CRYBA4: variants seen among roughly 807,000 people sequenced by gnomAD.
CRYBA4 encodes the protein beta-crystallin A4.
CRYBA4 carries 30 observed loss-of-function variants against 31.7 expected under a neutral mutation model. The ratio of observed to expected loss-of-function variants is 0.95; its 90% confidence interval spans 0.71 to 1.28. The LOEUF (loss-of-function observed/expected upper bound fraction) is 1.28. CRYBA4 is among the 50% of genes most tolerant of loss of function. CRYBA4 has a pLI of 0.00. For missense variants in CRYBA4, 225 were observed against 260.7 expected, an observed-to-expected ratio of 0.86 and a Z score of 0.94; for synonymous variants, 102 against 102.3, an observed-to-expected ratio of 1.00 and a Z score of 0.02.
chr22:26,609,534 A>G, the CRYBA4 span, among the ~76,000 whole-genome samples: 2 of 152,126 alleles, frequency 1.3e-5, no homozygotes, highest in African/African-American at 4.8e-5. Context: ...AGATGGGTAG[A>G]TGGATGGGTG....
At chr22:26,616,674 T>C in the CRYBA4 span, among the ~76,000 whole-genome samples, 1 of 152,174 alleles carries the variant, frequency 6.6e-6, no homozygotes, top group African/African-American at 2.4e-5. Context: ...CAACTCCAAT[T>C]TGCCTCCCTA....
chr22:26,616,110 C>T, the CRYBA4 span: 3 of 1,585,514 alleles, frequency 1.9e-6, no homozygotes, highest in South Asian at 1.1e-5. Flanking sequence ...GAAGGCATGG[C>T]ACCCAGCCAC....
chr22:26,601,581 C>T, the CRYBA4 span, among the ~76,000 whole-genome samples: 20 of 145,404 alleles, frequency 1.4e-4, no homozygotes, highest in African/African-American at 4.9e-4. Context: ...ACATCAGCGC[C>T]GGCCCTTTTA....
the CRYBA4 span, among the ~76,000 whole-genome samples, chr22:26,597,960 T>C: frequency 1.3e-5 from 2 of 152,158 alleles, no homozygotes. Flanking sequence ...CTTGGCTCAC[T>C]GCAACCTCTG....
chr22:26,607,900 G>T, the CRYBA4 span: 1 of 1,614,182 alleles, frequency 6.2e-7, no homozygotes, highest in Non-Finnish European at 8.5e-7. Context: ...ATTTTGATGG[G>T]CCGGAAGGAC....
chr22:26,613,398 G>A, the CRYBA4 span, among the ~76,000 whole-genome samples: 25 of 152,280 alleles, frequency 1.6e-4, no homozygotes, highest in Middle Eastern at 3.4e-3. Flanking sequence ...GGGATGTTGC[G>A]GGAAGTCAGG....
At position 26,623,309 on chromosome 22, in the gene CRYBA4, C is replaced by A. The variant is rs1929599756; in HGVS notation, c.115C>A (p.Leu39Ile). The change falls in exon 3 of 6, where the codon CTT (leucine) becomes ATT (isoleucine). Residue 39 changes from leucine (L) to isoleucine (I), a missense_variant. By Grantham distance (5) the Leu-to-Ile change is conservative (BLOSUM62 2). Coordinates refer to ENST00000354760, the MANE Select transcript of CRYBA4 (RefSeq NM_001886.3). The stretch of plus-strand genomic sequence containing the variant: ...GGCCGAGTGCCCCAGCGTGCTGGAG[C>A]TTGGCTTCGAGACTGTGCGATCTTT... ...FTAECPSVLE[L>I]GFETVRSLKV... 1 of 1,613,986 alleles carries A rather than the reference C, an allele frequency of 6.2e-7. No individual in the cohort carries two copies. Among genetic ancestry groups the A allele is most frequent in the African/African-American group, 1.3e-5 (1 of 74,910 alleles).
chr22:26,610,072 C>A, the CRYBA4 span, among the ~76,000 whole-genome samples: 1 of 152,074 alleles, frequency 6.6e-6, no homozygotes, highest in African/African-American at 2.4e-5. Flanking sequence ...CCTAAAATCT[C>A]CCCTATCTTC....
chr22:26,598,113 C>T, the CRYBA4 span, among the ~76,000 whole-genome samples: 1 of 152,056 alleles, frequency 6.6e-6, no homozygotes, highest in African/African-American at 2.4e-5. Context: ...GAACTCCTGA[C>T]CTCAAGTGAT....
chr22:26,630,354 A>G lies in CRYBA4; in HGVS notation c.458A>G (p.Gln153Arg), dbSNP rs1474191283. The G allele has an allele frequency of 1.9e-6, 3 of 1,614,228 alleles. No homozygotes were observed. The highest frequency in any genetic ancestry group is 2.5e-6 in the Non-Finnish European group (3 of 1,180,028). ...HVHSGAWVCS[Q>R]FPGYRGFQYV... ...CTCTTTTCCAGCTGGGTTTGCTCCC[A>G]GTTTCCGGGCTACCGAGGATTTCAG... The change falls in exon 6 of 6, where the codon CAG becomes CGG. Residue 153 changes from glutamine to arginine, a missense_variant. By Grantham distance (43) the Gln-to-Arg change is conservative. Transcript: ENST00000354760.
chr22:26,601,835 G>C, the CRYBA4 span: 1 of 1,610,978 alleles, frequency 6.2e-7, no homozygotes, highest in South Asian at 1.1e-5. Flanking sequence ...GATTCTGCCT[G>C]TGCTTGAAGC....
intron 5 of CRYBA4, among the ~76,000 whole-genome samples, chr22:26,628,775 G>A (rs1929828544): frequency 6.6e-6 from 1 of 152,224 alleles, no homozygotes; most frequent in Admixed American, 6.5e-5. Flanking sequence ...TGAAGGCAAA[G>A]GTGGCGGCTT....
the CRYBA4 span, among the ~76,000 whole-genome samples, chr22:26,604,883 A>G: frequency 6.6e-6 from 1 of 152,134 alleles, no homozygotes; most frequent in Non-Finnish European, 1.5e-5. Flanking sequence ...CCACTGCTAG[A>G]GGGGTCAAGA....
chr22:26,608,056 A>G, the CRYBA4 span: 2 of 1,613,946 alleles, frequency 1.2e-6, no homozygotes, highest in Admixed American at 3.3e-5. Context: ...CAGACAGGAG[A>G]CATATGGTTA....
At chr22:26,621,010 C>T (rs1929514207), upstream of CRYBA4, among the ~76,000 whole-genome samples, 1 of 152,156 alleles carries the variant, frequency 6.6e-6, no homozygotes, top group South Asian at 2.1e-4. Context: ...CTCAGATGAT[C>T]TGGTTTCCAG....
intron 2 of CRYBA4, among the ~76,000 whole-genome samples, chr22:26,622,897 G>C (rs1300797916): frequency 6.6e-6 from 1 of 152,204 alleles, no homozygotes; most frequent in Non-Finnish European, 1.5e-5. Context: ...GTGTGTGTTT[G>C]TTTGTTTTAT....
the CRYBA4 span, among the ~76,000 whole-genome samples, chr22:26,614,506 G>T: frequency 6.6e-6 from 1 of 152,176 alleles, no homozygotes; most frequent in East Asian, 1.9e-4. Context: ...GTTCACGAGA[G>T]CAAAGCTAGC....
chr22:26,620,003 CT>C (rs57928877), upstream of CRYBA4, among the ~76,000 whole-genome samples: 51,248 of 138,086 alleles, frequency 0.37, 8,616 homozygotes, highest in East Asian at 0.61. Context: ...TTTTTCTTTT[CT>C]TTTTTTTTTT....
the CRYBA4 span, among the ~76,000 whole-genome samples, chr22:26,610,312 AC>A: frequency 6.6e-6 from 1 of 151,866 alleles, no homozygotes; most frequent in African/African-American, 2.4e-5. Flanking sequence ...AGGCCTCCTC[AC>A]TTTCCCCATG....
Sources: allele counts gnomAD v4.1 joint callset (sites outside exome capture counted in the v4.1 genomes callset), GRCh38; gene constraint gnomAD v4.1.1; transcripts MANE v1.5; gene names NCBI Gene and HGNC (gene_info 2026-07-23, HGNC 2026-07-21).